Variants in ADD2 observed in about 807,000 individuals in gnomAD.
ADD2 encodes adducin 2.
In ADD2, 23 loss-of-function variants were observed where a neutral mutation model predicts 83.0. The ratio of observed to expected loss-of-function variants is 0.28; its 90% CI spans 0.20 to 0.39. ADD2 has a LOEUF of 0.39. ADD2 is among the 10% of genes least tolerant of loss of function. The pLI, the probability that ADD2 is intolerant of heterozygous loss-of-function variation, is 1.00. For synonymous variants in ADD2, 375 were observed against 375.4 expected (o/e 1.00, Z 0.01); for missense variants, 758 against 944.9 (o/e 0.80, Z 2.59).
rs141802466 is a variant in ADD2 at position 70,731,552 on chromosome 2, C to T, written c.-153-18368G>A. ...CTGACTTTGTGCATCACCATATCCC[C>T]AGCACCCAGAATAGCGTTAAGAGGT... On this transcript the variant is annotated intron_variant, in intron 1 of 15. Transcript: ENST00000264436. 7.2e-5 allele frequency among the ~76,000 whole-genome samples: 11 copies of T among 152,320 alleles called. No individual in the cohort carries two copies. The East Asian group carries it at 2.1e-3, about 29-fold the overall frequency.
At chr2:70,686,966 T>G (rs1177047174) in intron 9 of ADD2, among the ~76,000 whole-genome samples, 3 of 152,208 alleles carry the variant, frequency 2.0e-5, no homozygotes, top group African/African-American at 7.2e-5. Flanking sequence ...GAAAGACCTC[T>G]TCCTCTGGGT....
chr2:70,740,879 T>C (rs1553380974), intron 1 of ADD2, among the ~76,000 whole-genome samples: 1 of 152,154 alleles, frequency 6.6e-6, no homozygotes. Flanking sequence ...TTTATATTTT[T>C]AGTAGAGACG....
chr2:70,721,716 T>G lies in ADD2; in HGVS notation c.-153-8532A>C, dbSNP rs553149840. ...TCTCCAGGCAATTTCTGTACTAACA[T>G]GAACAAAGAAATTACCTTAATGATT... On this transcript the variant is annotated intron_variant, in intron 1 of 15. Coordinates refer to ENST00000264436, the MANE Select transcript of ADD2 (RefSeq NM_001617.4). 2.6e-5 allele frequency among the ~76,000 whole-genome samples: 4 copies of G among 152,258 alleles called. No individual in the cohort carries two copies. In the South Asian group the frequency reaches 8.3e-4, roughly 32 times the overall value.
chr2:70,754,523 A>G (rs1553383485), intron 1 of ADD2, among the ~76,000 whole-genome samples: 1 of 151,174 alleles, frequency 6.6e-6, no homozygotes, highest in Non-Finnish European at 1.5e-5. Flanking sequence ...ACTTCCTGTC[A>G]CTCCTCCTTG....
At chr2:70,679,498 A>T (rs1670350297) in intron 10 of ADD2, among the ~76,000 whole-genome samples, 1 of 152,300 alleles carries the variant, frequency 6.6e-6, no homozygotes, top group Non-Finnish European at 1.5e-5. Context: ...ACTCAAGAAC[A>T]TTCCTGTCTC....
intron 1 of ADD2, among the ~76,000 whole-genome samples, chr2:70,751,865 G>A (rs1457439597): frequency 6.6e-6 from 1 of 152,130 alleles, no homozygotes; most frequent in African/African-American, 2.4e-5. Flanking sequence ...AACACATCTT[G>A]GAGCTTGAAG....
chr2:70,695,631 G>T, intron 6 of ADD2, 90 bp downstream of exon 6: 1 of 1,242,242 alleles, frequency 8.0e-7, no homozygotes, highest in Non-Finnish European at 1.2e-6. Flanking sequence ...GCGCAACAGT[G>T]ACCAATTTGG....
intron 4 of ADD2, among the ~76,000 whole-genome samples, chr2:70,702,862 C>T (rs1293552432): frequency 1.3e-5 from 2 of 152,118 alleles, no homozygotes; most frequent in African/African-American, 2.4e-5. Flanking sequence ...CACGGTGGCT[C>T]ACGTCTGTAA....
At chr2:70,695,942 T>A in intron 5 of ADD2, 141 bp from the exon 6 acceptor site, 2 of 747,308 alleles carry the variant, frequency 2.7e-6, no homozygotes, top group Middle Eastern at 3.8e-4. Context: ...CCCCCAGCCA[T>A]AAGAGATAAA....
intron 9 of ADD2, among the ~76,000 whole-genome samples, chr2:70,684,249 ATT>A (rs377440242): frequency 6.6e-6 from 1 of 151,032 alleles, no homozygotes; most frequent in African/African-American, 2.4e-5. Context: ...AATATCTCCT[ATT>A]TTTTTTTATT....
At chr2:70,673,411 C>CTTATT in intron 14 of ADD2, 3 of 1,159,736 alleles carry the variant, frequency 2.6e-6, no homozygotes, top group Non-Finnish European at 3.8e-6. Flanking sequence ...ACCAACTCCC[C>CTTATT]TTATTTTATT....
intron 1 of ADD2, among the ~76,000 whole-genome samples, chr2:70,718,470 G>C (rs988454242): frequency 1.3e-5 from 2 of 152,262 alleles, no homozygotes; most frequent in East Asian, 3.9e-4. Flanking sequence ...AACTGTTAAG[G>C]GCAACACACT....
intron 14 of ADD2, 68 bp downstream of exon 14, chr2:70,674,610 G>T: frequency 1.3e-6 from 2 of 1,500,402 alleles, no homozygotes; most frequent in Non-Finnish European, 1.8e-6. Flanking sequence ...GTCCTCTCTT[G>T]GTAGTCCTGA....
At chr2:70,720,309 C>T (rs1263422149) in intron 1 of ADD2, among the ~76,000 whole-genome samples, 1 of 152,048 alleles carries the variant, frequency 6.6e-6, no homozygotes, top group Non-Finnish European at 1.5e-5. Context: ...TGGTGGGAAG[C>T]AGAGGGAGTA....
intron 1 of ADD2, among the ~76,000 whole-genome samples, chr2:70,751,940 C>T (rs1380578762): frequency 3.3e-5 from 5 of 152,180 alleles, no homozygotes; most frequent in Non-Finnish European, 5.9e-5. Context: ...ATACAAGAGT[C>T]GCCGCTTTTC....
At chr2:70,727,983 G>A (rs1450337433) in intron 1 of ADD2, among the ~76,000 whole-genome samples, 1 of 152,124 alleles carries the variant, frequency 6.6e-6, no homozygotes, top group Admixed American at 6.5e-5. Context: ...AGGAGGATGG[G>A]ACCTTCAAGG....
In ADD2 at chr2:70,768,098, G is replaced by C; in HGVS notation, c.-366C>G. On this transcript the variant is annotated 5_prime_UTR_variant, in exon 1 of 16. Transcript: ENST00000264436. ...GCGGCGGCGGGGATGACTGGCCACC[G>C]ACGCCGCAGTTCCTTGACAAAAGGC... The C allele has an allele frequency of 2.2e-6, 2 of 892,216 alleles. No individual in the cohort carries two copies. Among genetic ancestry groups the C allele is most frequent in the Non-Finnish European group, 3.3e-6 (2 of 599,828 alleles). 55.3% of individuals were successfully genotyped at this position (892,216 alleles called of 1,614,324 possible). A position where few individuals can be genotyped will look rare whatever the true frequency, so the allele number is the denominator to read the frequency against.
intron 1 of ADD2, among the ~76,000 whole-genome samples, chr2:70,725,848 G>T (rs2104451423): frequency 6.6e-6 from 1 of 152,210 alleles, no homozygotes; most frequent in African/African-American, 2.4e-5. Flanking sequence ...CTGGGGTGAG[G>T]GCTGAGAGTA....
At chr2:70,665,685 G>T (rs1215532230) in intron 15 of ADD2, among the ~76,000 whole-genome samples, 2 of 152,118 alleles carry the variant, frequency 1.3e-5, no homozygotes, top group Non-Finnish European at 2.9e-5. Flanking sequence ...ATCACCTTGA[G>T]TGTTACTTCT....
Sources: allele counts gnomAD v4.1 joint callset (sites outside exome capture counted in the v4.1 genomes callset), GRCh38; gene constraint gnomAD v4.1.1; transcripts MANE v1.5; gene names NCBI Gene and HGNC (gene_info 2026-07-23, HGNC 2026-07-21).